ARB2A: variants seen among roughly 807,000 people sequenced by gnomAD.
ARB2A encodes cotranscriptional regulator ARB2A.
chr5:93,740,633 CAGAGTAGAGACGTGT>C, the ARB2A span: 4 of 1,611,062 alleles, frequency 2.5e-6, no homozygotes, highest in African/African-American at 4.0e-5. Flanking sequence ...GCTACCCCTG[CAGAGTAGAGACGTGT>C]ATAGTGGGGG....
chr5:93,646,342 G>A, the ARB2A span, among the ~76,000 whole-genome samples: 11 of 150,948 alleles, frequency 7.3e-5, no homozygotes, highest in African/African-American at 1.2e-4. Flanking sequence ...TGAGGTCTTC[G>A]GTGAAACCTT....
At chr5:93,972,911 TA>T in the ARB2A span, among the ~76,000 whole-genome samples, 3,174 of 114,366 alleles carry the variant, frequency 0.028, 82 homozygotes, top group African/African-American at 0.077. Flanking sequence ...CCTTGTCTCT[TA>T]AAAAAAAAAA....
At chr5:93,809,473 T>C in the ARB2A span, among the ~76,000 whole-genome samples, 1 of 152,074 alleles carries the variant, frequency 6.6e-6, no homozygotes, top group Non-Finnish European at 1.5e-5. Flanking sequence ...GCTTTCTACA[T>C]TGGTAAGATT....
chr5:94,018,534 A>G, the ARB2A span, among the ~76,000 whole-genome samples: 2 of 152,266 alleles, frequency 1.3e-5, no homozygotes, highest in South Asian at 4.1e-4. Flanking sequence ...AAACAATGGT[A>G]ACATACTTTG....
At chr5:93,849,514 T>A in the ARB2A span, among the ~76,000 whole-genome samples, 1 of 152,088 alleles carries the variant, frequency 6.6e-6, no homozygotes, top group Non-Finnish European at 1.5e-5. Flanking sequence ...ATGAATATTC[T>A]GTTTAAACCT....
the ARB2A span, among the ~76,000 whole-genome samples, chr5:93,946,739 T>G: frequency 6.6e-5 from 10 of 152,240 alleles, no homozygotes; most frequent in Non-Finnish European, 1.2e-4. Context: ...ATTTTGATAC[T>G]ATGTCTTGGT....
At chr5:93,901,561 C>T in the ARB2A span, among the ~76,000 whole-genome samples, 1 of 152,114 alleles carries the variant, frequency 6.6e-6, no homozygotes, top group Admixed American at 6.6e-5. Flanking sequence ...TTCAATACTA[C>T]CTCAAAAACT....
the ARB2A span, among the ~76,000 whole-genome samples, chr5:93,764,757 G>C: frequency 1.3e-5 from 2 of 152,142 alleles, no homozygotes; most frequent in Non-Finnish European, 2.9e-5. Context: ...GAGAATTTTA[G>C]ACCAATACCC....
At chr5:93,652,590 T>C in the ARB2A span, among the ~76,000 whole-genome samples, 53 of 152,224 alleles carry the variant, frequency 3.5e-4, no homozygotes, top group African/African-American at 1.3e-3. Flanking sequence ...GATGGTACTC[T>C]AGATTTGTTG....
the ARB2A span, among the ~76,000 whole-genome samples, chr5:93,640,064 CAAAAAAAAAAAAA>C: frequency 1.7e-5 from 1 of 59,264 alleles, no homozygotes; most frequent in African/African-American, 6.6e-5. Flanking sequence ...ACTCTGTCTC[CAAAAAAAAAAAAA>C]AAAAAAAAAA....
At chr5:93,731,226 A>G in the ARB2A span, among the ~76,000 whole-genome samples, 1 of 152,194 alleles carries the variant, frequency 6.6e-6, no homozygotes, top group Non-Finnish European at 1.5e-5. Context: ...ATTTGGAGAT[A>G]GGATCTTTAC....
At chr5:93,816,227 A>G in the ARB2A span, among the ~76,000 whole-genome samples, 2 of 152,320 alleles carry the variant, frequency 1.3e-5, no homozygotes, top group African/African-American at 4.8e-5. Context: ...GAGAGGGCTT[A>G]CAATGAATGA....
chr5:94,072,888 CA>C, the ARB2A span, among the ~76,000 whole-genome samples: 1 of 152,048 alleles, frequency 6.6e-6, no homozygotes, highest in African/African-American at 2.4e-5. Flanking sequence ...ATTATTACAG[CA>C]AACTAATTCA....
chr5:93,807,202 T>C, the ARB2A span, among the ~76,000 whole-genome samples: 1 of 151,856 alleles, frequency 6.6e-6, no homozygotes, highest in East Asian at 1.9e-4. Flanking sequence ...TGTAGGCAAA[T>C]ATGTTTTTTG....
At chr5:93,641,596 T>C in the ARB2A span, among the ~76,000 whole-genome samples, 1 of 152,260 alleles carries the variant, frequency 6.6e-6, no homozygotes, top group East Asian at 1.9e-4. Flanking sequence ...CCAAGAGAAG[T>C]TGTAAATGAA....
chr5:93,969,278 C>T, the ARB2A span, among the ~76,000 whole-genome samples: 64 of 151,764 alleles, frequency 4.2e-4, no homozygotes, highest in African/African-American at 1.4e-3. Context: ...ATGTTATAAG[C>T]GACAAGACAG....
the ARB2A span, among the ~76,000 whole-genome samples, chr5:93,899,726 C>T: frequency 6.6e-6 from 1 of 152,074 alleles, no homozygotes; most frequent in African/African-American, 2.4e-5. Flanking sequence ...ATAGTTTAAT[C>T]ACATGATTAT....
At chr5:93,696,241 T>G in the ARB2A span, among the ~76,000 whole-genome samples, 1 of 152,218 alleles carries the variant, frequency 6.6e-6, no homozygotes, top group Non-Finnish European at 1.5e-5. Context: ...TTCACACTTA[T>G]AACTTTTATT....
chr5:93,754,613 T>C, the ARB2A span, among the ~76,000 whole-genome samples: 2 of 152,224 alleles, frequency 1.3e-5, no homozygotes, highest in Non-Finnish European at 2.9e-5. Flanking sequence ...AGTCAGAAGA[T>C]ACCAGTGCTC....
Sources: gnomAD v4.1 joint callset for allele counts (sites outside exome capture counted in the v4.1 genomes callset) on GRCh38, gnomAD v4.1.1 for gene constraint, MANE v1.5 for transcripts, NCBI Gene and HGNC (gene_info 2026-07-23, HGNC 2026-07-21) for gene names.